Variants in PTK2 observed in about 807,000 individuals in gnomAD.
PTK2 encodes the protein protein tyrosine kinase 2.
In PTK2, 45 loss-of-function variants were observed where a neutral mutation model predicts 150.1. The ratio of observed to expected loss-of-function variants is 0.30; its 90% CI spans 0.24 to 0.38. The LOEUF (loss-of-function observed/expected upper bound fraction) is 0.38, where lower values mean the gene tolerates loss of function less well. PTK2 is among the 10% of genes least tolerant of loss of function. The pLI is 1.00. For synonymous variants in PTK2, 432 were observed against 449.2 expected (o/e 0.96, Z 0.48); for missense variants, 919 against 1,307.3 (o/e 0.70, Z 4.58).
chr8:140,755,360 C>T (rs2100065020), intron 16 of PTK2, among the ~76,000 whole-genome samples: 1 of 152,166 alleles, frequency 6.6e-6, no homozygotes. Flanking sequence ...ACACATGTCC[C>T]CTGGTGGCTC....
intron 14 of PTK2, among the ~76,000 whole-genome samples, chr8:140,788,186 G>A (rs144967962): frequency 7.6e-4 from 116 of 152,252 alleles, no homozygotes; most frequent in Non-Finnish European, 1.4e-3. Flanking sequence ...TGGCAACCCC[G>A]AAGCTTCCAT....
At chr8:140,701,126 T>A in intron 25 of PTK2, 104 bp from the exon 29 acceptor site, 1 of 1,302,464 alleles carries the variant, frequency 7.7e-7, no homozygotes, top group East Asian at 2.6e-5. Context: ...AAACAGCAAG[T>A]ATGAGAAACA....
chr8:140,758,230 A>T (rs1325908413), intron 16 of PTK2, among the ~76,000 whole-genome samples: 1 of 152,086 alleles, frequency 6.6e-6, no homozygotes, highest in Non-Finnish European at 1.5e-5. Flanking sequence ...CTGAGACTAC[A>T]GGTGTGCACC....
At chr8:140,699,767 C>T (rs534950525) in intron 26 of PTK2, among the ~76,000 whole-genome samples, 11 of 151,914 alleles carry the variant, frequency 7.2e-5, no homozygotes, top group African/African-American at 1.7e-4. Context: ...GAAATTTATC[C>T]CTAAAAGATA....
intron 1 of PTK2, among the ~76,000 whole-genome samples, chr8:140,938,677 G>A (rs2100174575): frequency 6.6e-6 from 1 of 152,136 alleles, no homozygotes; most frequent in Non-Finnish European, 1.5e-5. Flanking sequence ...CTTCAGCTGA[G>A]GAAACAACTC....
chr8:140,715,161 T>TGTTTTTTTG, intron 23 of PTK2, among the ~76,000 whole-genome samples: 1 of 54,120 alleles, frequency 1.8e-5, no homozygotes, highest in Non-Finnish European at 3.2e-5. Flanking sequence ...AACCGTTTTT[T>TGTTTTTTTG]TTTTTTTTTT....
intron 4 of PTK2, among the ~76,000 whole-genome samples, chr8:140,876,462 T>C (rs373073786): frequency 2.6e-5 from 4 of 152,240 alleles, no homozygotes; most frequent in East Asian, 1.9e-4. Flanking sequence ...CCTGTCTTGT[T>C]CTCTGGTACA....
intron 1 of PTK2, among the ~76,000 whole-genome samples, chr8:140,951,356 G>A (rs188345743): frequency 3.0e-4 from 45 of 152,204 alleles, no homozygotes; most frequent in Non-Finnish European, 3.2e-4. Flanking sequence ...ATGGCCCAAC[G>A]GACTTACGAA....
At chr8:140,845,999 G>GA (rs34163173) in intron 7 of PTK2, among the ~76,000 whole-genome samples, 4 of 151,866 alleles carry the variant, frequency 2.6e-5, no homozygotes, top group Non-Finnish European at 4.4e-5. Context: ...ATATAAATTA[G>GA]AAAAAAATAT....
chr8:140,696,820 T>C (rs2100026847), intron 26 of PTK2, among the ~76,000 whole-genome samples: 1 of 151,974 alleles, frequency 6.6e-6, no homozygotes, highest in African/African-American at 2.4e-5. Flanking sequence ...GTGGACTGAA[T>C]GGGGAATAGG....
chr8:140,804,565 G>A (rs879735141), intron 10 of PTK2, among the ~76,000 whole-genome samples: 1 of 152,130 alleles, frequency 6.6e-6, no homozygotes, highest in Non-Finnish European at 1.5e-5. Context: ...AAAGATACAT[G>A]AATCTTCCAT....
chr8:140,927,975 A>AAAAAAAAAAAAAAAAAAAAAATAT, intron 1 of PTK2, among the ~76,000 whole-genome samples: 1 of 48,196 alleles, frequency 2.1e-5, no homozygotes, highest in African/African-American at 9.8e-5. Context: ...AAAAAAAAAA[A>AAAAAAAAAAAAAAAAAAAAAATAT]ATATATATAT....
intron 31 of PTK2, 71 bp from the exon 36 acceptor site, chr8:140,659,749 C>A: frequency 7.3e-7 from 1 of 1,378,104 alleles, no homozygotes; most frequent in Non-Finnish European, 1.0e-6. Flanking sequence ...GAGAGATGTT[C>A]TTACTGTGTT....
chr8:140,666,104 G>A lies in PTK2; in HGVS notation c.2866-1107C>T, dbSNP rs1256317389. ...TGTAATCCCAGGACTTTGGGAGGCC[G>A]AGGCAGGCAGATCACCTGAGGTCAG... On this transcript the variant is annotated intron_variant, in intron 30 of 31. Coordinates refer to ENST00000522684, the Ensembl canonical transcript of PTK2. Among the ~76,000 whole-genome samples the A allele has an allele frequency of 3.3e-5, 5 of 152,222 alleles. No homozygotes were observed. In the South Asian group the frequency reaches 6.2e-4, roughly 19 times the overall value.
chr8:140,781,258 AGAT>A (rs1156491762), intron 14 of PTK2, among the ~76,000 whole-genome samples: 2 of 152,238 alleles, frequency 1.3e-5, no homozygotes, highest in African/African-American at 2.4e-5. Flanking sequence ...ATATTTGGTA[AGAT>A]GATGATACTT....
intron 1 of PTK2, among the ~76,000 whole-genome samples, chr8:140,962,877 C>G (rs998846357): frequency 3.3e-5 from 5 of 151,782 alleles, no homozygotes; most frequent in African/African-American, 7.3e-5. Flanking sequence ...TGTAGGTCCC[C>G]CCCCCCAACC....
chr8:140,961,655 C>A (rs1488301942), intron 1 of PTK2, among the ~76,000 whole-genome samples: 2 of 150,798 alleles, frequency 1.3e-5, no homozygotes, highest in Non-Finnish European at 1.5e-5. Flanking sequence ...CAGCGAGACT[C>A]CATCTCAAAA....
Position 140,970,374 on chromosome 8 carries a change from C to A in PTK2, c.-122+30751G>T, listed in dbSNP as rs112546010. Among the ~76,000 whole-genome samples, 834 of 152,336 alleles carry A rather than the reference C, an allele frequency of 5.5e-3. 9 individuals are homozygous for A. The highest frequency in any genetic ancestry group is 0.018 in the African/African-American group (763 of 41,558). The stretch of plus-strand genomic sequence containing the variant: ...ACATCAGTTAAGCGAATAAAAATGT[C>A]CAAGAGACATTTCAAAGCTCAGATA... On this transcript the variant is annotated intron_variant, in intron 1 of 31. Coordinates refer to ENST00000522684, the Ensembl canonical transcript of PTK2.
At chr8:140,963,824 A>G (rs2100184240) in intron 1 of PTK2, among the ~76,000 whole-genome samples, 1 of 152,296 alleles carries the variant, frequency 6.6e-6, no homozygotes, top group East Asian at 1.9e-4. Context: ...CATTCCAAAT[A>G]GAATATTCCA....
Sources: gnomAD v4.1 joint callset for allele counts (sites outside exome capture counted in the v4.1 genomes callset) on GRCh38, gnomAD v4.1.1 for gene constraint, MANE v1.5 for transcripts, NCBI Gene and HGNC (gene_info 2026-07-23, HGNC 2026-07-21) for gene names.